The following ELF1 variants were observed in gnomAD, a reference collection of about 807,000 sequenced individuals.
ELF1 encodes the protein E74 like ETS transcription factor 1.
Under a neutral mutation model 59.9 loss-of-function variants are expected in ELF1, and 24 were observed. The observed-to-expected ratio is 0.40, with a 90% CI of 0.29 to 0.56. The LOEUF is 0.56. ELF1 is among the 20% of genes least tolerant of loss of function. The probability of loss-of-function intolerance (pLI) is 0.44; values close to 1 mark genes in which losing one functional copy is unlikely to be tolerated. For synonymous variants in ELF1, 248 were observed against 266.2 expected, an observed-to-expected ratio of 0.93 and a Z score of 0.67; for missense variants, 627 against 742.2, an observed-to-expected ratio of 0.84 and a Z score of 1.80.
chr13:41,029,519 C>A lies in ELF1; in HGVS notation c.-229+31319G>T, dbSNP rs145555650. Among the ~76,000 whole-genome samples the A allele has an allele frequency of 3.9e-3, 593 of 152,188 alleles. 3 individuals carry two copies. Among genetic ancestry groups the A allele is most frequent in the African/African-American group, 0.014 (569 of 41,518 alleles). ...ACCTCAGCCTCCCGAGTAGCTGGGA[C>A]TACAGGCATGCACCACCATGCCTGG... On this transcript the variant is annotated intron_variant, in intron 1 of 1. Transcript: ENST00000405737.
intron 2 of ELF1, among the ~76,000 whole-genome samples, chr13:40,962,641 G>T: frequency 6.8e-6 from 1 of 148,018 alleles, no homozygotes; most frequent in African/African-American, 2.5e-5. Context: ...AACCAAGGTC[G>T]CACCACTGCA....
At chr13:41,005,123 A>G (rs1292121396) in intron 1 of ELF1, among the ~76,000 whole-genome samples, 16 of 152,134 alleles carry the variant, frequency 1.1e-4, no homozygotes, top group Admixed American at 9.8e-4. Flanking sequence ...ATAGTCCAAT[A>G]GTTTGTGTGA....
intron 2 of ELF1, among the ~76,000 whole-genome samples, chr13:40,969,973 A>G (rs1872426292): frequency 6.6e-6 from 1 of 152,152 alleles, no homozygotes; most frequent in Admixed American, 6.5e-5. Context: ...GGTTTTGTGC[A>G]TGTGGGGATT....
At chr13:40,964,541 G>A (rs1350118191) in intron 2 of ELF1, among the ~76,000 whole-genome samples, 4 of 151,744 alleles carry the variant, frequency 2.6e-5, no homozygotes, top group African/African-American at 9.7e-5. Context: ...ACAGGATGGA[G>A]TGCAGTGGCG....
chr13:41,012,409 GTTTGTT>G (rs779045069), intron 1 of ELF1, among the ~76,000 whole-genome samples: 43 of 149,320 alleles, frequency 2.9e-4, no homozygotes, highest in Non-Finnish European at 5.5e-4. Flanking sequence ...ACCATAGTTT[GTTTGTT>G]TTTGTTTTTC....
At chr13:40,986,382 A>C (rs2138286012) in intron 1 of ELF1, among the ~76,000 whole-genome samples, 1 of 151,674 alleles carries the variant, frequency 6.6e-6, no homozygotes, top group African/African-American at 2.4e-5. Context: ...CATGTGCAGA[A>C]TACTTGGCAC....
At chr13:40,986,702 A>T (rs945125707) in intron 1 of ELF1, among the ~76,000 whole-genome samples, 4 of 152,168 alleles carry the variant, frequency 2.6e-5, no homozygotes, top group Non-Finnish European at 4.4e-5. Flanking sequence ...CATTCCAAAC[A>T]AAATGACTTC....
At chr13:41,000,978 CTT>C (rs71797488) in intron 1 of ELF1, among the ~76,000 whole-genome samples, 1 of 144,128 alleles carries the variant, frequency 6.9e-6, no homozygotes. Context: ...AGGAAAAACA[CTT>C]TTTTTTTTTT....
chr13:41,021,259 T>C (rs1875679416), upstream of ELF1, among the ~76,000 whole-genome samples: 1 of 152,172 alleles, frequency 6.6e-6, no homozygotes, highest in Non-Finnish European at 1.5e-5. Flanking sequence ...ATTCCAAACA[T>C]AATTTAAAGG....
intron 1 of ELF1, among the ~76,000 whole-genome samples, chr13:41,031,590 T>G (rs1214060379): frequency 6.6e-6 from 1 of 151,712 alleles, no homozygotes; most frequent in Non-Finnish European, 1.5e-5. Context: ...GAGGCTGAGG[T>G]GGGTGGATCA....
At chr13:41,056,452 G>C (rs901791153) in intron 1 of ELF1, among the ~76,000 whole-genome samples, 38 of 152,184 alleles carry the variant, frequency 2.5e-4, no homozygotes, top group African/African-American at 8.7e-4. Flanking sequence ...TGTATACAAG[G>C]TTTGGTGTGG....
intron 1 of ELF1, among the ~76,000 whole-genome samples, chr13:40,994,990 CAGG>C (rs1197712255): frequency 6.6e-6 from 1 of 152,240 alleles, no homozygotes; most frequent in East Asian, 1.9e-4. Context: ...CAAAGTTCCC[CAGG>C]AGATTTTGCT....
intron 6 of ELF1, among the ~76,000 whole-genome samples, chr13:40,943,415 T>C (rs367828433): frequency 6.6e-6 from 1 of 152,186 alleles, no homozygotes; most frequent in Non-Finnish European, 1.5e-5. Flanking sequence ...GAAAGTACTT[T>C]GAGATAATTT....
At chr13:41,060,497 C>T (rs1877495459) in intron 1 of ELF1, among the ~76,000 whole-genome samples, 1 of 152,292 alleles carries the variant, frequency 6.6e-6, no homozygotes, top group East Asian at 1.9e-4. Context: ...CAGGGCCCAC[C>T]AGCCCCGTGA....
chr13:40,958,929 C>T lies in ELF1; in HGVS notation c.160G>A (p.Val54Met). 1 of 1,614,088 alleles carries T rather than the reference C, an allele frequency of 6.2e-7. No homozygotes were observed. Among genetic ancestry groups the T allele is most frequent in the Non-Finnish European group, 8.5e-7 (1 of 1,180,014 alleles). ...ILNSYAGLAC[V>M]EEPNDMITES... Reference sequence around the variant, plus strand: ...GTAATCATGTCATTGGGCTCTTCCACACAGGCTAGACCGGCATAACTATTG... The same window carrying T: ...GTAATCATGTCATTGGGCTCTTCCATACAGGCTAGACCGGCATAACTATTG... The change falls in exon 3 of 9, where the codon GTG becomes ATG. Residue 54 changes from valine (V) to methionine (M), a missense_variant. Physicochemically the swap from Val to Met is conservative, Grantham distance 21. Around this residue, in one of 3 missense-constraint regions of ELF1, gnomAD observed 232 missense variants for 269.2 expected, o/e 0.86. Coordinates refer to ENST00000239882, the MANE Select transcript of ELF1 (RefSeq NM_172373.4).
upstream of ELF1, among the ~76,000 whole-genome samples, chr13:41,022,965 G>A (rs1475149047): frequency 6.6e-6 from 1 of 152,080 alleles, no homozygotes; most frequent in African/African-American, 2.4e-5. Flanking sequence ...AAGGGAGGAA[G>A]GAAGAAATAA....
chr13:40,989,460 C>T (rs1045034093), intron 1 of ELF1, among the ~76,000 whole-genome samples: 1 of 152,122 alleles, frequency 6.6e-6, no homozygotes, highest in Non-Finnish European at 1.5e-5. Flanking sequence ...TATGTTTTTG[C>T]AATCTAAACA....
intron 1 of ELF1, among the ~76,000 whole-genome samples, chr13:41,035,905 C>CT (rs537271056): frequency 0.32 from 45,064 of 141,652 alleles, 8,671 homozygotes; most frequent in Middle Eastern, 0.46. Context: ...TTCTTTTTTT[C>CT]TTTTTTTTTT....
intron 2 of ELF1, among the ~76,000 whole-genome samples, chr13:40,968,066 A>C (rs1475084298): frequency 6.6e-6 from 1 of 152,196 alleles, no homozygotes; most frequent in Non-Finnish European, 1.5e-5. Flanking sequence ...GCTTCAACTA[A>C]AAGCAAATGT....
Sources: gnomAD v4.1 joint callset for allele counts (sites outside exome capture counted in the v4.1 genomes callset) on GRCh38, gnomAD v4.1.1 for gene constraint, gnomAD v4.1.1 regional missense constraint, MANE v1.5 for transcripts, NCBI Gene and HGNC (gene_info 2026-07-23, HGNC 2026-07-21) for gene names.